Variants in DCC observed in about 807,000 individuals in gnomAD.
The protein encoded by DCC is DCC netrin 1 receptor, also known as netrin receptor DCC.
DCC carries 58 observed loss-of-function variants against 172.5 expected under a neutral mutation model. The ratio of observed to expected loss-of-function variants is 0.34; its 90% confidence interval spans 0.27 to 0.42. The LOEUF (loss-of-function observed/expected upper bound fraction) is 0.42. Ranked by LOEUF, DCC falls within the 10% of genes least tolerant of loss-of-function variation. DCC has a pLI of 1.00. For missense variants in DCC, 1,740 were observed against 1,791.0 expected, an observed-to-expected ratio of 0.97 and a Z score of 0.51; for synonymous variants, 709 against 644.5, an observed-to-expected ratio of 1.10 and a Z score of -1.52.
chr18:53,505,229 AGTCT>A (rs10584868), intron 27 of DCC: 133,065 of 151,798 alleles, frequency 0.88, 58,612 homozygotes, highest in African/African-American at 0.96. Flanking sequence ...TCACCTGTCC[AGTCT>A]GTCTGTCGAG....
At chr18:53,490,215 G>A in intron 26 of DCC, among the ~76,000 whole-genome samples, 1 of 146,340 alleles carries the variant, frequency 6.8e-6, no homozygotes, top group East Asian at 2.0e-4. Context: ...TAATCTCTAG[G>A]GTATTTTAAA....
At chr18:52,382,401 C>A (rs1043481508) in intron 1 of DCC, among the ~76,000 whole-genome samples, 4 of 152,110 alleles carry the variant, frequency 2.6e-5, no homozygotes, top group African/African-American at 9.7e-5. Context: ...ATATTCTATT[C>A]TGTTCCTTTA....
At chr18:52,800,614 A>G (rs1161879953) in intron 2 of DCC, among the ~76,000 whole-genome samples, 1 of 152,156 alleles carries the variant, frequency 6.6e-6, no homozygotes, top group East Asian at 1.9e-4. Context: ...TCTTTGTGTG[A>G]TAGCATTTTC....
At chr18:52,439,941 A>G (rs1216126945) in intron 1 of DCC, among the ~76,000 whole-genome samples, 1 of 152,224 alleles carries the variant, frequency 6.6e-6, no homozygotes, top group Admixed American at 6.5e-5. Context: ...AGGTATAAGG[A>G]AATAAACGGG....
intron 2 of DCC, among the ~76,000 whole-genome samples, chr18:52,790,753 C>T (rs2037747371): frequency 1.3e-5 from 2 of 152,162 alleles, no homozygotes; most frequent in African/African-American, 4.8e-5. Context: ...AGACATATTG[C>T]TCATCTCCAA....
chr18:53,365,364 C>T (rs772496936), intron 15 of DCC, among the ~76,000 whole-genome samples: 2 of 149,350 alleles, frequency 1.3e-5, no homozygotes, highest in Non-Finnish European at 3.0e-5. Context: ...TGCTATTGTG[C>T]ACAGGTACCC....
chr18:52,700,598 A>T (rs1446972928), intron 1 of DCC, among the ~76,000 whole-genome samples: 1 of 152,202 alleles, frequency 6.6e-6, no homozygotes, highest in African/African-American at 2.4e-5. Flanking sequence ...ATGGGCTAAT[A>T]TAGTTTTATA....
intron 5 of DCC, among the ~76,000 whole-genome samples, chr18:52,999,307 T>C (rs922995819): frequency 6.6e-6 from 1 of 152,098 alleles, no homozygotes; most frequent in Non-Finnish European, 1.5e-5. Context: ...TGGGTGTTTT[T>C]GTAGACACAG....
chr18:52,775,216 C>T (rs2037408230), intron 2 of DCC, among the ~76,000 whole-genome samples: 1 of 151,940 alleles, frequency 6.6e-6, no homozygotes, highest in Non-Finnish European at 1.5e-5. Flanking sequence ...TTCTTCACTG[C>T]CTCACTGCTC....
chr18:52,551,031 T>A (rs2032756853), intron 1 of DCC, among the ~76,000 whole-genome samples: 1 of 152,014 alleles, frequency 6.6e-6, no homozygotes, highest in African/African-American at 2.4e-5. Flanking sequence ...TGTATCTTTG[T>A]GAATAAAATG....
At position 52,396,341 on chromosome 18, in the gene DCC, A is replaced by C. The variant is rs561860730; in HGVS notation, c.91+55463A>C. On this transcript the variant is annotated intron_variant, in intron 1 of 28. Coordinates refer to ENST00000442544, the MANE Select transcript of DCC (RefSeq NM_005215.4). ...CATTTGATGAAGCTTCAAGCAAATT[A>C]GAAAAATAAAAAAATCAACAATTTG... 6.0e-5 allele frequency among the ~76,000 whole-genome samples: 8 copies of C among 134,016 alleles called. No individual in the cohort carries two copies. The East Asian group carries it at 2.0e-3, about 33-fold the overall frequency. The allele number at this position is 134,016 out of a possible 152,430, so 87.9% of individuals were successfully genotyped here.
intron 27 of DCC, among the ~76,000 whole-genome samples, chr18:53,511,918 T>G (rs1001212488): frequency 2.0e-4 from 31 of 152,298 alleles, no homozygotes; most frequent in African/African-American, 7.0e-4. Flanking sequence ...CAGGCTTGCT[T>G]AGGTAAACAA....
At chr18:52,708,487 C>A (rs2036246194) in intron 1 of DCC, among the ~76,000 whole-genome samples, 1 of 151,726 alleles carries the variant, frequency 6.6e-6, no homozygotes, top group Non-Finnish European at 1.5e-5. Flanking sequence ...AAACCCTAAC[C>A]CAGAACCAGA....
intron 15 of DCC, among the ~76,000 whole-genome samples, chr18:53,347,822 G>A (rs1301364453): frequency 3.9e-5 from 6 of 151,990 alleles, no homozygotes; most frequent in Non-Finnish European, 4.4e-5. Context: ...GCAGAGAAAC[G>A]CCCCTTTAAA....
intron 21 of DCC, among the ~76,000 whole-genome samples, chr18:53,428,401 A>ATTACATATATAATATAAT (rs1911236543): frequency 1.7e-5 from 1 of 57,996 alleles, no homozygotes; most frequent in African/African-American, 5.6e-5. Context: ...AATATAATAT[A>ATTACATATATAATATAAT]ATATATTACA....
intron 1 of DCC, among the ~76,000 whole-genome samples, chr18:52,637,948 A>G (rs2034814369): frequency 1.3e-5 from 2 of 152,236 alleles, no homozygotes; most frequent in Admixed American, 1.3e-4. Context: ...AGGAAAACCT[A>G]TCATATTAAC....
At chr18:53,148,133 T>C (rs1034635961) in intron 7 of DCC, among the ~76,000 whole-genome samples, 2 of 152,222 alleles carry the variant, frequency 1.3e-5, no homozygotes, top group African/African-American at 4.8e-5. Context: ...TTTACTTTAG[T>C]AGTGTCTCAT....
intron 1 of DCC, among the ~76,000 whole-genome samples, chr18:52,642,051 GGT>G (rs1273481226): frequency 4.1e-4 from 2 of 4,926 alleles, no homozygotes; most frequent in Admixed American, 3.6e-3. Context: ...TATATACTGT[GGT>G]GTGTGTGTGT....
intron 12 of DCC, among the ~76,000 whole-genome samples, chr18:53,290,331 A>G (rs182153201): frequency 4.2e-4 from 64 of 152,298 alleles, no homozygotes; most frequent in Non-Finnish European, 7.2e-4. Flanking sequence ...TGTGAATCTG[A>G]TCTATAATCT....
Sources: allele counts gnomAD v4.1 joint callset (sites outside exome capture counted in the v4.1 genomes callset), GRCh38; gene constraint gnomAD v4.1.1; transcripts MANE v1.5; gene names NCBI Gene and HGNC (gene_info 2026-07-23, HGNC 2026-07-21).